ANKRD33: variants seen among roughly 807,000 people sequenced by gnomAD.
ANKRD33 encodes ankyrin repeat domain 33.
ANKRD33 carries 20 observed loss-of-function variants against 20.6 expected under a neutral mutation model. That is an observed-to-expected ratio of 0.97 (90% confidence interval 0.68 to 1.41). The LOEUF (loss-of-function observed/expected upper bound fraction) is 1.41, where lower values mean the gene tolerates loss of function less well. Ranked by LOEUF, ANKRD33 falls within the 40% of genes most tolerant of loss-of-function variation. The pLI, the probability that ANKRD33 is intolerant of heterozygous loss-of-function variation, is 0.00. For synonymous variants in ANKRD33, 246 were observed against 245.0 expected, an observed-to-expected ratio of 1.00 and a Z score of -0.04; for missense variants, 545 against 579.6, an observed-to-expected ratio of 0.94 and a Z score of 0.61.
Position 51,891,003 on chromosome 12 carries a change from C to T in ANKRD33, c.1057C>T (p.Pro353Ser), listed in dbSNP as rs777478052. 1.4e-5 allele frequency: 22 copies of T among 1,613,524 alleles called. No individual in the cohort carries two copies. The highest frequency in any genetic ancestry group is 1.7e-5 in the Non-Finnish European group (20 of 1,179,980). The part of the protein sequence containing the change: ...PELLGTAPPP[P>S]LVPQSPPGSP... ...GCTGTTAGGTACTGCCCCGCCCCCT[C>T]CCCTGGTTCCCCAGTCCCCGCCAGG... Residue 353 changes from proline to serine, a missense_variant, in exon 5 of 5, where the codon CCC (proline) becomes TCC (serine). Transcript: ENST00000301190.
rs755217273 is a variant in ANKRD33 at position 51,888,909 on chromosome 12, G to A, written c.396+91G>A. 9 of 1,591,060 alleles carry A rather than the reference G, an allele frequency of 5.7e-6. No individual in the cohort carries two copies. The African/African-American group carries it at 9.4e-5, about 17-fold the overall frequency. On this transcript the variant is annotated intron_variant, in intron 2 of 4. Coordinates refer to ENST00000301190, the MANE Select transcript of ANKRD33 (RefSeq NM_182608.4). Reference sequence around the variant, plus strand: ...CTGGCTCCCTGAGAGGGGTTCAGGGGCAATACCTCCTGCAGTCCTAAGGAG... The same window carrying A: ...CTGGCTCCCTGAGAGGGGTTCAGGGACAATACCTCCTGCAGTCCTAAGGAG...
Position 51,891,258 on chromosome 12 carries a change from A to G in ANKRD33, c.1312A>G (p.Ile438Val). 1.9e-6 allele frequency: 3 copies of G among 1,614,236 alleles called. No homozygotes were observed. Among genetic ancestry groups the G allele is most frequent in the Non-Finnish European group, 1.7e-6 (2 of 1,180,042 alleles). Residue 438 changes from isoleucine to valine, a missense_variant, in exon 5 of 5, where the codon ATA (isoleucine) becomes GTA (valine). Transcript: ENST00000301190. ...LPLWRYQELRIEKRKQEEEAR... is the reference protein window; with the variant it reads ...LPLWRYQELRVEKRKQEEEAR... ...TCTCTGGCGATACCAGGAGCTCAGGATAGAGAAGAGGAAACAGGAGGAGGA... is the reference window on the plus strand; with the variant it reads ...TCTCTGGCGATACCAGGAGCTCAGGGTAGAGAAGAGGAAACAGGAGGAGGA...
chr12:51,890,161 G>C (rs1462148822), intron 4 of ANKRD33: 4 of 353,338 alleles, frequency 1.1e-5, no homozygotes, highest in Non-Finnish European at 2.2e-5. Flanking sequence ...GTCTTAGAGT[G>C]ACTGCTCCTC....
rs545125147 is a variant in ANKRD33, at chr12:51,888,953, C to A, written c.397-114C>A. On this transcript the variant is annotated intron_variant, in intron 2 of 4. Coordinates refer to ENST00000301190, the MANE Select transcript of ANKRD33 (RefSeq NM_182608.4). ...TAAGGAGGAAGGGAATGGTTAAGGG[C>A]GGGTCTTCACGGGGTTTGGGGCAGG... 7 of 1,580,458 alleles carry A rather than the reference C, an allele frequency of 4.4e-6. No individual in the cohort carries two copies. The Admixed American group carries it at 1.2e-4, about 27-fold the overall frequency.
At position 51,890,838 on chromosome 12, in the gene ANKRD33, TCTC is replaced by T. The variant is rs1940402199; in HGVS notation, c.896_898del (p.Pro299del). ...TACCTTGAGCCTCCCCTTTGCCCCG[TCTC>T]CTCAGGAGGGGGGTGTTCTGGACCA... On this transcript the variant is annotated inframe_deletion, in exon 5 of 5. Transcript: ENST00000301190. 6.2e-7 allele frequency: 1 copy of T among 1,612,052 alleles called. No individual in the cohort carries two copies. Among genetic ancestry groups the T allele is most frequent in the Non-Finnish European group, 8.5e-7 (1 of 1,179,804 alleles).
Position 51,891,415 on chromosome 12 carries a change from T to C in ANKRD33, c.*110T>C. 1 of 1,440,528 alleles carries C rather than the reference T, an allele frequency of 6.9e-7. No homozygotes were observed. The highest frequency in any genetic ancestry group is 1.4e-5 in the South Asian group (1 of 70,686). 89.2% of individuals were successfully genotyped at this position (1,440,528 alleles called of 1,614,324 possible). A position where few individuals can be genotyped will look rare whatever the true frequency, so the allele number is the denominator to read the frequency against. ...CCATCCACCTCTGCCTAAGTAAATC[T>C]GCTCTCAACCTATATATATACAAGG... On this transcript the variant is annotated 3_prime_UTR_variant, in exon 5 of 5. Transcript: ENST00000301190.
chr12:51,890,848 AG>A lies in ANKRD33; in HGVS notation c.908del (p.Gly303ValfsTer7). 1.9e-6 allele frequency: 3 copies of A among 1,612,548 alleles called. No individual in the cohort carries two copies. Among genetic ancestry groups the A allele is most frequent in the Non-Finnish European group, 2.5e-6 (3 of 1,179,838 alleles). On this transcript the variant is annotated frameshift_variant, in exon 5 of 5. Coordinates refer to ENST00000301190, the MANE Select transcript of ANKRD33 (RefSeq NM_182608.4). LOFTEE classifies it low-confidence loss of function (END_TRUNC). ...CTCCCCTTTGCCCCGTCTCCTCAGG[AG>A]GGGGGTGTTCTGGACCACCTTGTGA... ...LSLPFAPSPQ[E>X]GGVLDHLVTA...
intron 4 of ANKRD33, 194 bp from the exon 5 acceptor site, chr12:51,890,390 C>G: frequency 7.2e-7 from 1 of 1,397,682 alleles, no homozygotes; most frequent in Non-Finnish European, 9.8e-7. Flanking sequence ...GTCTTTTCCC[C>G]TCTCTGGACC....
rs1940335293 is a variant in ANKRD33 at position 51,889,414 on chromosome 12, G to GCCTGGA, written c.576_581dup (p.Asp192_Leu193dup). 2 of 1,614,038 alleles carry GCCTGGA rather than the reference G, an allele frequency of 1.2e-6. No homozygotes were observed. The highest frequency in any genetic ancestry group is 1.7e-6 in the Non-Finnish European group (2 of 1,180,022). ...AGTCTCCTGCTCAACTACTATGTGG[G>GCCTGGA]CCTGGACCTGGAACGCCGGGACCAG... On this transcript the variant is annotated inframe_insertion, in exon 4 of 5. Transcript: ENST00000301190.
Position 51,890,785 on chromosome 12 carries a change from C to T in ANKRD33, c.839C>T (p.Ala280Val). The change falls in exon 5 of 5, where the codon GCC (alanine) becomes GTC (valine). Residue 280 changes from alanine to valine, a missense_variant. Transcript: ENST00000301190. ...VAQAQAQAQV[A>V]PSLLERLQAT... ...CAGGCCCAGGCCCAGGCCCAGGTTG[C>T]CCCTTCACTCCTAGAACGGCTGCAG... is the stretch of plus-strand genomic sequence containing the variant. The T allele has an allele frequency of 6.3e-7, 1 of 1,599,374 alleles. No individual in the cohort carries two copies. Among genetic ancestry groups the T allele is most frequent in the South Asian group, 1.1e-5 (1 of 90,846 alleles).
At chr12:51,890,449 T>C (rs706832) in intron 4 of ANKRD33, 135 bp from the exon 5 acceptor site, 1,534,253 of 1,534,548 alleles carry the variant, frequency 1, 766,979 homozygotes, top group East Asian at 1. Context: ...CTGGCCTCCC[T>C]GATTCCACCT....
In ANKRD33 at chr12:51,891,162, A is replaced by G; in HGVS notation, c.1216A>G (p.Lys406Glu). Residue 406 changes from lysine (K) to glutamate (E), a missense_variant, in exon 5 of 5, where the codon AAG becomes GAG. Coordinates refer to ENST00000301190, the MANE Select transcript of ANKRD33 (RefSeq NM_182608.4). ...RPQVPKILLS[K>E]ASSSSHQCQP... ...CCAAGTCCCCAAGATCCTCCTCTCC[A>G]AGGCATCCTCATCCTCCCACCAGTG... 6.2e-7 allele frequency: 1 copy of G among 1,614,204 alleles called. No individual in the cohort carries two copies. The highest frequency in any genetic ancestry group is 8.5e-7 in the Non-Finnish European group (1 of 1,180,046).
rs376647450 is a variant in ANKRD33, at chr12:51,888,646, G to A, written c.224G>A (p.Arg75Gln). 1.6e-5 allele frequency: 25 copies of A among 1,606,684 alleles called. No homozygotes were observed. Among genetic ancestry groups the A allele is most frequent in the African/African-American group, 2.7e-5 (2 of 74,800 alleles). Reference sequence around the variant, plus strand: ...GAAGAGCTGGCATTGCACAGGAGACGGCTGGACATGTCTGAGGCACTGCCC... The same window carrying A: ...GAAGAGCTGGCATTGCACAGGAGACAGCTGGACATGTCTGAGGCACTGCCC... ...EEEELALHRRRLDMSEALPCP... is the reference protein window; with the variant it reads ...EEEELALHRRQLDMSEALPCP... Residue 75 changes from arginine to glutamine, a missense_variant, in exon 2 of 5, where the codon CGG becomes CAG. Arg to Gln is a conservative substitution (Grantham distance 43, BLOSUM62 1). Coordinates refer to ENST00000301190, the MANE Select transcript of ANKRD33 (RefSeq NM_182608.4).
At position 51,889,162 on chromosome 12, in the gene ANKRD33, A is replaced by G; in HGVS notation, c.492A>G (p.Gly164=). 1 of 1,614,166 alleles carries G rather than the reference A, an allele frequency of 6.2e-7. No individual in the cohort carries two copies. Among genetic ancestry groups the G allele is most frequent in the South Asian group, 1.1e-5 (1 of 91,076 alleles). The change falls in exon 3 of 5, where the codon GGA becomes GGG. Residue 164 remains glycine, a synonymous_variant. Coordinates refer to ENST00000301190, the MANE Select transcript of ANKRD33 (RefSeq NM_182608.4). ...TTGATGTGAACCAGCAGGACAAAGG[A>G]GGGGACACGGCCCTCATGTTGGCTG... ...PFLDVNQQDK[G]GDTALMLAAQ... is the part of the protein sequence containing the mutation.
At chr12:51,888,852 G>T (rs764855415) in intron 2 of ANKRD33, 34 bp downstream of exon 2, 1 of 1,608,566 alleles carries the variant, frequency 6.2e-7, no homozygotes, top group Non-Finnish European at 8.5e-7. Flanking sequence ...ACAGCTGGGG[G>T]CATCTTTGCA....
intron 4 of ANKRD33, chr12:51,890,114 T>G: frequency 3.7e-6 from 1 of 267,226 alleles, no homozygotes; most frequent in East Asian, 8.6e-5. Context: ...GAAAAAGGAG[T>G]GAATGAAAAA....
intron 2 of ANKRD33, 33 bp from the exon 3 acceptor site, chr12:51,889,034 G>A: frequency 6.2e-7 from 1 of 1,613,730 alleles, no homozygotes; most frequent in Non-Finnish European, 8.5e-7. Context: ...GGCCCAGGGG[G>A]AAAGCAGGGG....
Position 51,890,929 on chromosome 12 carries a change from G to A in ANKRD33, c.983G>A (p.Cys328Tyr), listed in dbSNP as rs1330676135. ...PFVTTACHTL[C>Y]PDHPPSLGTR... is the part of the protein sequence containing the mutation. ...GTCACCACTGCCTGCCACACTCTGT[G>A]CCCTGACCATCCACCTTCGCTGGGC... Residue 328 changes from cysteine (C) to tyrosine (Y), a missense_variant, in exon 5 of 5, where the codon TGC becomes TAC. By Grantham distance (194) the Cys-to-Tyr change is radical (BLOSUM62 -2). Transcript: ENST00000301190. 1 of 1,613,486 alleles carries A rather than the reference G, an allele frequency of 6.2e-7. No individual in the cohort carries two copies. Among genetic ancestry groups the A allele is most frequent in the African/African-American group, 1.3e-5 (1 of 74,926 alleles).
intron 1 of ANKRD33, 67 bp from the exon 2 acceptor site, chr12:51,888,501 C>A: frequency 6.4e-7 from 1 of 1,556,406 alleles, no homozygotes. Context: ...GTGCACTTCG[C>A]AGCTGCTGGG....
Sources: allele counts gnomAD v4.1 joint callset, GRCh38; gene constraint gnomAD v4.1.1; transcripts MANE v1.5; gene names NCBI Gene and HGNC (gene_info 2026-07-23, HGNC 2026-07-21).